The following ERICH1 variants were observed in gnomAD, a reference collection of about 807,000 sequenced individuals.
ERICH1 encodes the protein glutamate rich 1.
A neutral mutation model predicts 39.6 loss-of-function variants in ERICH1; 56 were observed. The ratio of observed to expected loss-of-function variants is 1.41; its 90% CI spans 1.14 to 1.77. ERICH1 has a LOEUF of 1.77. Ranked by LOEUF, ERICH1 falls within the 40% of genes most tolerant of loss-of-function variation. The pLI, the probability that ERICH1 is intolerant of heterozygous loss-of-function variation, is 0.00. For missense variants in ERICH1, 826 were observed against 575.4 expected (o/e 1.44, Z -4.45); for synonymous variants, 313 against 223.6 (o/e 1.40, Z -3.57).
chr8:667,810 T>C (rs901836682), intron 5 of ERICH1: 4 of 152,572 alleles, frequency 2.6e-5, no homozygotes, highest in African/African-American at 4.8e-5. Context: ...ATGTGGTTTC[T>C]ACGGACAGAA....
At chr8:682,596 G>A (rs560566290) in intron 3 of ERICH1, among the ~76,000 whole-genome samples, 7 of 152,304 alleles carry the variant, frequency 4.6e-5, no homozygotes, top group Middle Eastern at 3.4e-3. Context: ...ACCAGAGGCC[G>A]GGCTATTTAT....
Position 642,615 on chromosome 8 carries a change from T to C in ERICH1, c.976+25983A>G, listed in dbSNP as rs116389549. ...CGCCTCGGCCTCCCAAAGTGGAAAT[T>C]TTTTTTTTTAAGTTACAGAAACCAC... is the stretch of plus-strand genomic sequence containing the variant. On this transcript the variant is annotated intron_variant, in intron 3 of 3. Coordinates refer to the ERICH1 transcript ENST00000522706. Among the ~76,000 whole-genome samples, 613 of 150,826 alleles carry C rather than the reference T, an allele frequency of 4.1e-3. 4 individuals carry two copies. The highest frequency in any genetic ancestry group is 0.014 in the African/African-American group (562 of 41,218).
intron 3 of ERICH1, among the ~76,000 whole-genome samples, chr8:622,540 C>T (rs1387928340): frequency 6.6e-6 from 1 of 152,200 alleles, no homozygotes; most frequent in African/African-American, 2.4e-5. Context: ...GCCTCCAGAA[C>T]TGTGACCAAT....
chr8:713,058 C>T (rs1463149945), intron 2 of ERICH1, among the ~76,000 whole-genome samples: 1 of 152,228 alleles, frequency 6.6e-6, no homozygotes, highest in East Asian at 1.9e-4. Context: ...TGGCTTTGGA[C>T]CTTGGCTTGC....
intron 3 of ERICH1, among the ~76,000 whole-genome samples, chr8:687,939 G>A (rs895321103): frequency 6.6e-6 from 1 of 152,134 alleles, no homozygotes; most frequent in African/African-American, 2.4e-5. Flanking sequence ...CAGGGTCTGA[G>A]GCTCCAAGGA....
intron 2 of ERICH1, among the ~76,000 whole-genome samples, chr8:710,799 C>T (rs368177893): frequency 7.2e-5 from 11 of 152,212 alleles, no homozygotes; most frequent in African/African-American, 2.4e-4. Context: ...TTCGTTGCTT[C>T]CAAGTTTCGG....
intron 1 of ERICH1, among the ~76,000 whole-genome samples, chr8:730,623 A>G (rs1036427710): frequency 6.6e-6 from 1 of 152,194 alleles, no homozygotes; most frequent in Non-Finnish European, 1.5e-5. Context: ...TAATGCTATC[A>G]CAGAATTTAA....
At chr8:707,837 C>T (rs1813666671) in intron 2 of ERICH1, among the ~76,000 whole-genome samples, 1 of 152,038 alleles carries the variant, frequency 6.6e-6, no homozygotes, top group Non-Finnish European at 1.5e-5. Context: ...TTAAAGGATA[C>T]CATTAAGAAA....
chr8:623,080 G>T (rs1446998497), intron 3 of ERICH1, among the ~76,000 whole-genome samples: 2 of 152,104 alleles, frequency 1.3e-5, no homozygotes, highest in Non-Finnish European at 2.9e-5. Context: ...TTATAGAACA[G>T]TATGACGAGA....
intron 3 of ERICH1, among the ~76,000 whole-genome samples, chr8:684,774 C>T (rs749143824): frequency 6.6e-6 from 1 of 152,200 alleles, no homozygotes; most frequent in Non-Finnish European, 1.5e-5. Context: ...CATCACATGT[C>T]AGCAGGTTCC....
intron 2 of ERICH1, among the ~76,000 whole-genome samples, chr8:713,256 C>T (rs954002979): frequency 6.6e-6 from 1 of 152,256 alleles, no homozygotes; most frequent in Admixed American, 6.5e-5. Context: ...GGGGTTAGGG[C>T]TTCAACATAC....
At chr8:726,997 ACAC>A (rs1179526783) in intron 1 of ERICH1, among the ~76,000 whole-genome samples, 8,744 of 147,074 alleles carry the variant, frequency 0.059, 935 homozygotes, top group African/African-American at 0.22. Context: ...ACACACACGC[ACAC>A]CACACAGGCA....
intron 2 of ERICH1, among the ~76,000 whole-genome samples, chr8:697,786 G>T (rs550746952): frequency 5.3e-5 from 8 of 152,252 alleles, no homozygotes; most frequent in Admixed American, 4.6e-4. Context: ...AGCAGATTCG[G>T]GACATGCAGC....
chr8:708,681 G>GTTTTTTGTTT lies in ERICH1; in HGVS notation c.169+7179_169+7180insAAACAAAAAA. ...GGGCTGAGTGGTTACGGGATAATGA[G>GTTTTTTGTTT]TTTTTTTTTTTTTTTTTTTTTTTTT... On this transcript the variant is annotated intron_variant, in intron 2 of 5. Coordinates refer to ENST00000262109, the MANE Select transcript of ERICH1 (RefSeq NM_207332.3). 3.2e-4 allele frequency among the ~76,000 whole-genome samples: 21 copies of GTTTTTTGTTT among 65,770 alleles called. 1 individual carries two copies. The highest frequency in any genetic ancestry group is 6.2e-4 in the South Asian group (1 of 1,616). 43.1% of individuals were successfully genotyped at this position (65,770 alleles called of 152,430 possible).
chr8:701,267 C>T (rs1217129327), intron 2 of ERICH1, among the ~76,000 whole-genome samples: 3 of 152,014 alleles, frequency 2.0e-5, no homozygotes, highest in Non-Finnish European at 4.4e-5. Flanking sequence ...GGGAGCACGC[C>T]GTACCCACGG....
intron 3 of ERICH1, among the ~76,000 whole-genome samples, chr8:689,725 C>G (rs1468930236): frequency 1.3e-5 from 2 of 152,170 alleles, no homozygotes; most frequent in East Asian, 3.9e-4. Flanking sequence ...AGGTGCCCAG[C>G]GTCCCCACAG....
At chr8:674,842 T>C (rs917629858) in intron 3 of ERICH1, among the ~76,000 whole-genome samples, 2 of 152,204 alleles carry the variant, frequency 1.3e-5, no homozygotes, top group Non-Finnish European at 2.9e-5. Flanking sequence ...GGTTTATAAA[T>C]AGCATAGGTT....
At chr8:651,711 A>C (rs1799969886) in intron 3 of ERICH1, among the ~76,000 whole-genome samples, 1 of 125,052 alleles carries the variant, frequency 8.0e-6, no homozygotes, top group Admixed American at 8.3e-5. Flanking sequence ...AGAGGCTGAG[A>C]CGGAGTGGGA....
downstream of ERICH1, among the ~76,000 whole-genome samples, chr8:662,993 G>A (rs1423843907): frequency 6.6e-6 from 1 of 152,246 alleles, no homozygotes; most frequent in Non-Finnish European, 1.5e-5. Flanking sequence ...CCTGTCTGGA[G>A]CAGCCTGCGT....
Sources: gnomAD v4.1 joint callset for allele counts (sites outside exome capture counted in the v4.1 genomes callset) on GRCh38, gnomAD v4.1.1 for gene constraint, MANE v1.5 for transcripts, NCBI Gene and HGNC (gene_info 2026-07-23, HGNC 2026-07-21) for gene names.